Variants in SLC25A26 observed in about 807,000 individuals in gnomAD.
SLC25A26 encodes the protein mitochondrial S-adenosylmethionine carrier protein.
Under a neutral mutation model 37.8 loss-of-function variants are expected in SLC25A26, and 36 were observed. The observed-to-expected ratio is 0.95, with a 90% confidence interval of 0.73 to 1.26. The LOEUF is 1.26. Ranked by LOEUF, SLC25A26 falls within the 50% of genes most tolerant of loss-of-function variation. The pLI is 0.00. For synonymous variants in SLC25A26, 129 were observed against 122.5 expected, an observed-to-expected ratio of 1.05 and a Z score of -0.35; for missense variants, 390 against 331.1, an observed-to-expected ratio of 1.18 and a Z score of -1.38.
chr3:66,224,032 A>G (rs2071623568), intron 1 of SLC25A26, among the ~76,000 whole-genome samples: 1 of 152,222 alleles, frequency 6.6e-6, no homozygotes, highest in Non-Finnish European at 1.5e-5. Flanking sequence ...CAGCCATAAA[A>G]AATAGTGCTT....
intron 1 of SLC25A26, among the ~76,000 whole-genome samples, chr3:66,161,980 G>T (rs1175849908): frequency 6.6e-6 from 1 of 152,226 alleles, no homozygotes; most frequent in African/African-American, 2.4e-5. Flanking sequence ...GAGCATGTTA[G>T]TATGCTTGGG....
intron 6 of SLC25A26, among the ~76,000 whole-genome samples, chr3:66,347,177 C>T (rs551451060): frequency 1.2e-4 from 19 of 152,194 alleles, no homozygotes; most frequent in Admixed American, 9.2e-4. Flanking sequence ...ATCATCAGAG[C>T]GTTCAGACTA....
chr3:66,218,335 C>T (rs962333194), upstream of SLC25A26, among the ~76,000 whole-genome samples: 5 of 152,166 alleles, frequency 3.3e-5, no homozygotes, highest in Admixed American at 6.5e-5. Context: ...TTAGTTCTCT[C>T]GGGTAAATAC....
In SLC25A26 at chr3:66,300,261, T is replaced by G. The variant is rs9822699; in HGVS notation, c.453+36882T>G. Among the ~76,000 whole-genome samples the G allele has an allele frequency of 8.4e-3, 1,194 of 141,942 alleles. 16 individuals carry two copies. Among genetic ancestry groups the G allele is most frequent in the South Asian group, 0.013 (60 of 4,794 alleles). The allele number at this position is 141,942 out of a possible 152,430, so 93.1% of individuals were successfully genotyped here. A position where few individuals can be genotyped will look rare whatever the true frequency, so the allele number is the denominator to read the frequency against. On this transcript the variant is annotated intron_variant, in intron 5 of 9. Coordinates refer to ENST00000354883, the MANE Select transcript of SLC25A26 (RefSeq NM_001379210.1). ...GGCTAGGGTTTTTTTGTTTTGTTTT[T>G]TTTTTTTTTTTTGGTGTTATACTGG...
chr3:66,180,589 A>G (rs2070684146), intron 1 of SLC25A26, among the ~76,000 whole-genome samples: 1 of 152,190 alleles, frequency 6.6e-6, no homozygotes, highest in South Asian at 2.1e-4. Context: ...TCGTTCCTTC[A>G]CAGCAGAGCT....
At chr3:66,266,405 C>G (rs2073751253) in intron 5 of SLC25A26, among the ~76,000 whole-genome samples, 1 of 152,076 alleles carries the variant, frequency 6.6e-6, no homozygotes, top group Non-Finnish European at 1.5e-5. Context: ...GAAAATACAT[C>G]AAAATCTTAG....
intron 7 of SLC25A26, among the ~76,000 whole-genome samples, chr3:66,364,126 A>G (rs746103069): frequency 6.6e-6 from 1 of 152,206 alleles, no homozygotes; most frequent in Non-Finnish European, 1.5e-5. Context: ...TAGCAATACT[A>G]TAAAACTTCC....
chr3:66,369,354 C>CT, intron 7 of SLC25A26, 124 bp from the exon 8 acceptor site: 1 of 754,110 alleles, frequency 1.3e-6, no homozygotes, highest in Non-Finnish European at 2.3e-6. Context: ...TGTGTGCATC[C>CT]TGTTCTTCAA....
intron 1 of SLC25A26, among the ~76,000 whole-genome samples, chr3:66,224,449 CT>C (rs1462708192): frequency 1.3e-5 from 2 of 152,200 alleles, no homozygotes; most frequent in African/African-American, 2.4e-5. Flanking sequence ...TCCTGTGAGA[CT>C]TACTCACTAT....
intron 5 of SLC25A26, among the ~76,000 whole-genome samples, chr3:66,266,452 T>G (rs1378915459): frequency 6.6e-6 from 1 of 152,210 alleles, no homozygotes; most frequent in Non-Finnish European, 1.5e-5. Flanking sequence ...TTATTCTGTA[T>G]GCAATTTTTT....
At chr3:66,324,174 A>G (rs2075772948) in intron 5 of SLC25A26, 1 of 134,028 alleles carries the variant, frequency 7.5e-6, no homozygotes, top group Non-Finnish European at 1.6e-5. Flanking sequence ...CTGTTTGTTA[A>G]AAAGTGTGTG....
rs76315054 is a variant in SLC25A26, at chr3:66,136,396, A to G, written c.-354+2412A>G. On this transcript the variant is annotated intron_variant, in intron 1 of 10. Transcript: ENST00000676754. Reference sequence around the variant, plus strand: ...GCCAGTTTATAATTAAAAACTACTTATCACTCTCCATTGGCCTATAGATGA... The same window carrying G: ...GCCAGTTTATAATTAAAAACTACTTGTCACTCTCCATTGGCCTATAGATGA... 3.2e-3 allele frequency among the ~76,000 whole-genome samples: 484 copies of G among 152,344 alleles called. 5 individuals carry two copies. The highest frequency in any genetic ancestry group is 0.011 in the African/African-American group (458 of 41,586).
chr3:66,269,738 G>C (rs1224470507), intron 5 of SLC25A26, among the ~76,000 whole-genome samples: 1 of 152,080 alleles, frequency 6.6e-6, no homozygotes, highest in African/African-American at 2.4e-5. Flanking sequence ...AATAGTCCTA[G>C]CTCATAAGGG....
At chr3:66,146,831 C>T (rs1473685195) in intron 1 of SLC25A26, among the ~76,000 whole-genome samples, 1 of 152,064 alleles carries the variant, frequency 6.6e-6, no homozygotes, top group African/African-American at 2.4e-5. Context: ...ATCCCTCACT[C>T]ACCTCCCACT....
At chr3:66,371,417 A>G in intron 9 of SLC25A26, 1 of 1,469,114 alleles carries the variant, frequency 6.8e-7, no homozygotes, top group Non-Finnish European at 9.1e-7. Context: ...GAAGTAGGTG[A>G]GTCAGGACCC....
At chr3:66,141,606 G>C (rs1389581852) in intron 1 of SLC25A26, among the ~76,000 whole-genome samples, 1 of 151,814 alleles carries the variant, frequency 6.6e-6, no homozygotes, top group Non-Finnish European at 1.5e-5. Context: ...TCCACTTCCT[G>C]GGTTCAAGTG....
At chr3:66,219,857 C>T (rs1011074523), upstream of SLC25A26, among the ~76,000 whole-genome samples, 1 of 152,176 alleles carries the variant, frequency 6.6e-6, no homozygotes. Context: ...TACCGCATGA[C>T]AAAGTGACTA....
At chr3:66,246,673 A>C (rs2072857780) in intron 3 of SLC25A26, among the ~76,000 whole-genome samples, 1 of 152,126 alleles carries the variant, frequency 6.6e-6, no homozygotes, top group South Asian at 2.1e-4. Flanking sequence ...TCTTACCTAC[A>C]TTGTGTCTTT....
At chr3:66,368,404 A>G (rs575004428) in intron 7 of SLC25A26, among the ~76,000 whole-genome samples, 83 of 152,332 alleles carry the variant, frequency 5.4e-4, no homozygotes, top group African/African-American at 1.9e-3. Context: ...AGTCCTTCAA[A>G]AAGTCCAATC....
Sources: gnomAD v4.1 joint callset for allele counts (sites outside exome capture counted in the v4.1 genomes callset) on GRCh38, gnomAD v4.1.1 for gene constraint, MANE v1.5 for transcripts, NCBI Gene and HGNC (gene_info 2026-07-23, HGNC 2026-07-21) for gene names.